The following ADAM19 variants were observed in gnomAD, a reference collection of about 807,000 sequenced individuals.
The protein encoded by ADAM19 is ADAM metallopeptidase domain 19.
Under a neutral mutation model 114.7 loss-of-function variants are expected in ADAM19, and 65 were observed. The ratio of observed to expected loss-of-function variants is 0.57; its 90% confidence interval spans 0.46 to 0.70. The LOEUF (loss-of-function observed/expected upper bound fraction) is 0.70. ADAM19 is among the 30% of genes least tolerant of loss of function. The pLI, the probability that ADAM19 is intolerant of heterozygous loss-of-function variation, is 0.00. For missense variants in ADAM19, 1,063 were observed against 1,204.7 expected (o/e 0.88, Z 1.74); for synonymous variants, 466 against 460.5 (o/e 1.01, Z -0.15).
intron 4 of ADAM19, among the ~76,000 whole-genome samples, chr5:157,532,846 T>C (rs1488270870): frequency 6.6e-6 from 1 of 152,218 alleles, no homozygotes; most frequent in Non-Finnish European, 1.5e-5. Flanking sequence ...TAGCCAGGCA[T>C]ATTTAAATCC....
intron 5 of ADAM19, among the ~76,000 whole-genome samples, chr5:157,521,723 A>T (rs1283857986): frequency 2.6e-5 from 4 of 152,180 alleles, no homozygotes; most frequent in Non-Finnish European, 5.9e-5. Flanking sequence ...GAGCGTGGCA[A>T]GGAGCAAGGG....
At chr5:157,537,323 T>C (rs1038161034) in intron 4 of ADAM19, among the ~76,000 whole-genome samples, 2 of 152,226 alleles carry the variant, frequency 1.3e-5, no homozygotes, top group African/African-American at 4.8e-5. Flanking sequence ...AACTGACATG[T>C]AACCATCTGA....
At position 157,490,353 on chromosome 5, in the gene ADAM19, G is replaced by A. The variant is rs772267904; in HGVS notation, c.2197C>T (p.Leu733Phe). The change falls in exon 19 of 23, where the codon CTC becomes TTC. Residue 733 changes from leucine (L) to phenylalanine (F), a missense_variant. Coordinates refer to ENST00000257527, the MANE Select transcript of ADAM19 (RefSeq NM_033274.5). The part of the protein sequence containing the change: ...CCRQNNKLGQ[L>F]KPSALPSKLR... Reference sequence around the variant, plus strand: ...TTGGAAGGGAGAGCTGAGGGCTTGAGTTGGCCTAGTTTGTTGTTCTGTCTG... The same window carrying A: ...TTGGAAGGGAGAGCTGAGGGCTTGAATTGGCCTAGTTTGTTGTTCTGTCTG... 6.2e-7 allele frequency: 1 copy of A among 1,614,084 alleles called. No homozygotes were observed. Among genetic ancestry groups the A allele is most frequent in the South Asian group, 1.1e-5 (1 of 91,068 alleles).
At chr5:157,499,745 T>G in intron 12 of ADAM19, 83 bp from the exon 13 acceptor site, 2 of 828,868 alleles carry the variant, frequency 2.4e-6, no homozygotes, top group Non-Finnish European at 1.9e-6. Context: ...CACACACCCC[T>G]GGAACCCCAG....
intron 4 of ADAM19, among the ~76,000 whole-genome samples, 194 bp downstream of exon 4, chr5:157,537,719 G>T (rs11465275): frequency 5.8e-4 from 88 of 152,326 alleles, no homozygotes; most frequent in African/African-American, 2.0e-3. Flanking sequence ...TTTAGCCATT[G>T]TAGTCAGCAA....
chr5:157,523,264 G>A (rs987154866), intron 5 of ADAM19, among the ~76,000 whole-genome samples: 3 of 152,192 alleles, frequency 2.0e-5, no homozygotes, highest in Admixed American at 2.0e-4. Context: ...AGGAGCAGAG[G>A]TCTCAGGGAT....
Position 157,477,876 on chromosome 5 carries a change from A to T in ADAM19, c.*3073T>A. On this transcript the variant is annotated 3_prime_UTR_variant, in exon 23 of 23. Coordinates refer to ENST00000257527, the MANE Select transcript of ADAM19 (RefSeq NM_033274.5). The stretch of plus-strand genomic sequence containing the variant: ...AATACAAAAAAACACTCCAACCAGA[A>T]AATCAGCAAGTCTCAGACCTTAAGA... 2.3e-6 allele frequency: 1 copy of T among 437,610 alleles called. No homozygotes were observed. Among genetic ancestry groups the T allele is most frequent in the Non-Finnish European group, 4.0e-6 (1 of 247,050 alleles). The allele number at this position is 437,610 out of a possible 1,614,324, so 27.1% of individuals were successfully genotyped here.
intron 7 of ADAM19, among the ~76,000 whole-genome samples, chr5:157,514,420 G>T (rs917206098): frequency 2.7e-5 from 4 of 150,326 alleles, no homozygotes; most frequent in African/African-American, 7.4e-5. Flanking sequence ...TCCGCCTCCC[G>T]GGTTCAAGCG....
At chr5:157,547,805 T>C (rs1346650002) in intron 3 of ADAM19, among the ~76,000 whole-genome samples, 1 of 152,234 alleles carries the variant, frequency 6.6e-6, no homozygotes, top group Non-Finnish European at 1.5e-5. Context: ...TCCTCTTCTC[T>C]TTATATCAGC....
chr5:157,544,451 A>G (rs1012817632), intron 3 of ADAM19, among the ~76,000 whole-genome samples: 6 of 152,186 alleles, frequency 3.9e-5, no homozygotes, highest in African/African-American at 1.4e-4. Flanking sequence ...TTTTGCTTTT[A>G]CATTATATAC....
At chr5:157,532,151 T>G (rs1452390067) in intron 4 of ADAM19, among the ~76,000 whole-genome samples, 1 of 152,106 alleles carries the variant, frequency 6.6e-6, no homozygotes, top group Non-Finnish European at 1.5e-5. Context: ...CTCCAGCCAC[T>G]GTGTCTCATG....
chr5:157,493,277 T>C, intron 15 of ADAM19, 100 bp from the exon 16 acceptor site: 1 of 1,318,260 alleles, frequency 7.6e-7, no homozygotes, highest in Non-Finnish European at 1.1e-6. Flanking sequence ...GACAGCAGGC[T>C]TGCGTGGGGT....
chr5:157,571,120 A>T, intron 1 of ADAM19, 140 bp from the exon 2 acceptor site: 2 of 649,470 alleles, frequency 3.1e-6, no homozygotes, highest in Non-Finnish European at 5.4e-6. Flanking sequence ...ACTTCCTAGG[A>T]ACTAGGCACT....
intron 21 of ADAM19, among the ~76,000 whole-genome samples, chr5:157,485,592 G>A (rs1252561772): frequency 2.6e-5 from 4 of 152,300 alleles, no homozygotes; most frequent in Non-Finnish European, 4.4e-5. Context: ...GGGCATAGAC[G>A]GGCTCCTCCT....
intron 12 of ADAM19, among the ~76,000 whole-genome samples, chr5:157,501,600 A>C (rs1755564258): frequency 6.6e-6 from 1 of 152,058 alleles, no homozygotes; most frequent in Non-Finnish European, 1.5e-5. Flanking sequence ...GCCATTCCTC[A>C]ACCCCAGTGG....
chr5:157,560,319 G>A (rs1757479432), intron 3 of ADAM19, among the ~76,000 whole-genome samples: 1 of 145,590 alleles, frequency 6.9e-6, no homozygotes, highest in Non-Finnish European at 1.5e-5. Flanking sequence ...AGCCTTCAGA[G>A]CCTATCCGGG....
rs780418260 is a variant in ADAM19, at chr5:157,519,958, T to C, written c.481A>G (p.Ile161Val). The change falls in exon 6 of 23, where the codon ATT becomes GTT. Residue 161 changes from isoleucine (I) to valine (V), a missense_variant. By Grantham distance (29) the Ile-to-Val change is conservative (BLOSUM62 3). Transcript: ENST00000257527. ...PLPDSKGQHLIYRSEHLKPPP... is the reference protein window; with the variant it reads ...PLPDSKGQHLVYRSEHLKPPP... ...GGCTTGAGATGTTCAGATCTGTAAA[T>C]AAGGTGTTGGCCCTTGCTGTCAGGG... 6.2e-7 allele frequency: 1 copy of C among 1,614,130 alleles called. No homozygotes were observed.
chr5:157,490,172 G>A, intron 19 of ADAM19, 138 bp downstream of exon 19: 1 of 887,824 alleles, frequency 1.1e-6, no homozygotes, highest in Non-Finnish European at 1.8e-6. Flanking sequence ...GTCATAGCAG[G>A]GGAGAGGGCA....
At chr5:157,509,155 T>A (rs1755834717) in intron 9 of ADAM19, 146 bp downstream of exon 9, 1 of 744,380 alleles carries the variant, frequency 1.3e-6, no homozygotes, top group Non-Finnish European at 2.1e-6. Flanking sequence ...GAGCGCATGT[T>A]TAGGAAATGC....
Sources: allele counts gnomAD v4.1 joint callset (sites outside exome capture counted in the v4.1 genomes callset), GRCh38; gene constraint gnomAD v4.1.1; transcripts MANE v1.5; gene names NCBI Gene and HGNC (gene_info 2026-07-23, HGNC 2026-07-21).